The following PCDH15 variants were observed in gnomAD, a reference collection of about 807,000 sequenced individuals.
PCDH15 encodes protocadherin related 15, also known as protocadherin-15.
PCDH15 carries 129 observed loss-of-function variants against 178.5 expected under a neutral mutation model. That is an observed-to-expected ratio of 0.72 (90% confidence interval 0.63 to 0.84). The LOEUF (loss-of-function observed/expected upper bound fraction) is 0.84. PCDH15 is among the 40% of genes least tolerant of loss of function. The probability of loss-of-function intolerance (pLI) is 0.00; values close to 1 mark genes in which losing one functional copy is unlikely to be tolerated. For synonymous variants in PCDH15, 800 were observed against 732.0 expected (o/e 1.09, Z -1.50); for missense variants, 2,230 against 2,099.9 (o/e 1.06, Z -1.21).
intron 2 of PCDH15, among the ~76,000 whole-genome samples, chr10:54,930,079 A>G (rs1467405340): frequency 6.6e-6 from 1 of 152,152 alleles, no homozygotes; most frequent in Admixed American, 6.5e-5. Context: ...GCCAATAGTA[A>G]AAGTCTACCT....
At chr10:54,079,864 C>T (rs1017510554) in intron 16 of PCDH15, among the ~76,000 whole-genome samples, 1 of 152,018 alleles carries the variant, frequency 6.6e-6, no homozygotes, top group Non-Finnish European at 1.5e-5. Context: ...ATGCAAAAAC[C>T]CATCTAAATG....
intron 3 of PCDH15, among the ~76,000 whole-genome samples, chr10:54,858,850 G>C (rs1953786882): frequency 1.3e-5 from 2 of 151,960 alleles, no homozygotes; most frequent in Non-Finnish European, 2.9e-5. Flanking sequence ...TTTCAGATTA[G>C]AGTAGCTTAT....
At chr10:54,085,887 G>C (rs1305662847) in intron 16 of PCDH15, among the ~76,000 whole-genome samples, 4 of 152,044 alleles carry the variant, frequency 2.6e-5, no homozygotes, top group Admixed American at 2.6e-4. Flanking sequence ...TGCGTATTGA[G>C]AGAATTTGCA....
chr10:54,683,265 G>A (rs1336200), intron 1 of PCDH15, among the ~76,000 whole-genome samples: 131,402 of 151,994 alleles, frequency 0.86, 57,457 homozygotes, highest in Middle Eastern at 0.94. Context: ...ACATTGTTGT[G>A]TAGCCATCAC....
At chr10:54,248,829 T>C (rs1194884619) in intron 8 of PCDH15, among the ~76,000 whole-genome samples, 1 of 151,970 alleles carries the variant, frequency 6.6e-6, no homozygotes, top group Non-Finnish European at 1.5e-5. Flanking sequence ...TAGTGAAAAA[T>C]GATGTTCTTG....
intron 13 of PCDH15, among the ~76,000 whole-genome samples, chr10:54,161,847 T>G (rs1375455192): frequency 1.3e-5 from 2 of 152,144 alleles, no homozygotes; most frequent in African/African-American, 4.8e-5. Context: ...CCCCTAATTT[T>G]AATCATTTGG....
At chr10:55,406,829 C>T (rs1335563671) in intron 2 of PCDH15, among the ~76,000 whole-genome samples, 1 of 152,120 alleles carries the variant, frequency 6.6e-6, no homozygotes, top group African/African-American at 2.4e-5. Flanking sequence ...AGGACACGAT[C>T]CTATGATACT....
At chr10:54,183,162 G>A (rs867806320) in intron 13 of PCDH15, among the ~76,000 whole-genome samples, 2 of 152,044 alleles carry the variant, frequency 1.3e-5, no homozygotes, top group South Asian at 2.1e-4. Flanking sequence ...TGTATTTTTA[G>A]TAGAGACAGC....
At chr10:54,895,882 G>A (rs1036778916) in intron 3 of PCDH15, among the ~76,000 whole-genome samples, 1 of 151,902 alleles carries the variant, frequency 6.6e-6, no homozygotes, top group Non-Finnish European at 1.5e-5. Flanking sequence ...ATAGCTAAGG[G>A]TATCTAAGGG....
At chr10:53,881,460 A>G (rs1295463656) in intron 26 of PCDH15, among the ~76,000 whole-genome samples, 5 of 152,192 alleles carry the variant, frequency 3.3e-5, no homozygotes, top group Non-Finnish European at 7.3e-5. Context: ...TAAAAAAAGT[A>G]AAAATAATCA....
At chr10:55,354,450 G>A (rs1171194749) in intron 2 of PCDH15, among the ~76,000 whole-genome samples, 1 of 152,068 alleles carries the variant, frequency 6.6e-6, no homozygotes, top group Non-Finnish European at 1.5e-5. Flanking sequence ...AACAGGATAA[G>A]TATAAAAGTT....
chr10:54,490,406 C>T (rs894500478), intron 3 of PCDH15, among the ~76,000 whole-genome samples: 6 of 151,718 alleles, frequency 4.0e-5, no homozygotes, highest in Admixed American at 1.3e-4. Flanking sequence ...GCTGAGATCA[C>T]GCCACTGCAC....
chr10:55,068,921 A>T (rs988379031), intron 2 of PCDH15, among the ~76,000 whole-genome samples: 1 of 151,940 alleles, frequency 6.6e-6, no homozygotes, highest in African/African-American at 2.4e-5. Flanking sequence ...TTTTTGAGAC[A>T]GAGTCTCACT....
At chr10:53,825,086 T>G in intron 32 of PCDH15, 5 of 1,513,904 alleles carry the variant, frequency 3.3e-6, no homozygotes, top group South Asian at 1.3e-5. Context: ...TCTGTTCTAT[T>G]GTATCTATTT....
chr10:54,736,617 T>A (rs1348389498), intron 1 of PCDH15, among the ~76,000 whole-genome samples: 1 of 152,106 alleles, frequency 6.6e-6, no homozygotes. Context: ...TGCAGTTGTG[T>A]GTAGTTTTTG....
rs573760068 is a variant in PCDH15, at chr10:54,265,400, G to A, written c.877-28469C>T. 1.2e-4 allele frequency among the ~76,000 whole-genome samples: 18 copies of A among 151,682 alleles called. No individual in the cohort carries two copies. The South Asian group carries it at 3.1e-3, about 26-fold the overall frequency. On this transcript the variant is annotated intron_variant, in intron 8 of 37. Coordinates refer to ENST00000644397, the MANE Select transcript of PCDH15 (RefSeq NM_001384140.1). The stretch of plus-strand genomic sequence containing the variant: ...AAACTAGCTAACAAAACTATGGCAG[G>A]AACAAAATCTCACATATAAAAGTTA...
intron 3 of PCDH15, among the ~76,000 whole-genome samples, chr10:54,877,387 C>T (rs1195014887): frequency 6.6e-6 from 1 of 152,048 alleles, no homozygotes; most frequent in Admixed American, 6.6e-5. Flanking sequence ...AATAAAATGA[C>T]AATTATCTAA....
intron 2 of PCDH15, among the ~76,000 whole-genome samples, chr10:55,607,674 C>T (rs1238185048): frequency 1.4e-5 from 2 of 145,972 alleles, no homozygotes; most frequent in Non-Finnish European, 3.0e-5. Context: ...CGCATATTCT[C>T]ACTCATAGGT....
At chr10:54,936,002 C>T (rs1837897357) in intron 2 of PCDH15, among the ~76,000 whole-genome samples, 1 of 152,032 alleles carries the variant, frequency 6.6e-6, no homozygotes. Context: ...ATTTTATTCA[C>T]TTCATAAAGA....
Sources: gnomAD v4.1 joint callset for allele counts (sites outside exome capture counted in the v4.1 genomes callset) on GRCh38, gnomAD v4.1.1 for gene constraint, MANE v1.5 for transcripts, NCBI Gene and HGNC (gene_info 2026-07-23, HGNC 2026-07-21) for gene names.